ALDH8A1: variants seen among roughly 807,000 people sequenced by gnomAD.
ALDH8A1 encodes aldehyde dehydrogenase 8 family member A1.
ALDH8A1 carries 39 observed loss-of-function variants against 43.3 expected under a neutral mutation model. The ratio of observed to expected loss-of-function variants is 0.90; its 90% CI spans 0.70 to 1.18. The LOEUF is 1.18. Among genes scored for constraint, ALDH8A1 ranks in the 50% most tolerant of loss-of-function variants. The pLI, the probability that ALDH8A1 is intolerant of heterozygous loss-of-function variation, is 0.00. For synonymous variants in ALDH8A1, 233 were observed against 243.5 expected (o/e 0.96, Z 0.40); for missense variants, 605 against 622.6 (o/e 0.97, Z 0.30).
rs778663318 is a variant in ALDH8A1, at chr6:134,949,931, A to C, written c.123T>G (p.Asn41Lys). Residue 41 changes from asparagine to lysine, a missense_variant, in exon 1 of 7, where the codon AAT becomes AAG. Asn to Lys is a moderately conservative substitution (Grantham distance 94). Coordinates refer to ENST00000265605, the MANE Select transcript of ALDH8A1 (RefSeq NM_022568.4). ...STGEVYCRVP[N>K]SGKDEIEAAV... ...ATATACTCACCTCGTCTTTTCCACT[A>C]TTTGGCACTCTGCAATACACTTCCC... is the stretch of plus-strand genomic sequence containing the variant. The C allele has an allele frequency of 6.2e-7, 1 of 1,602,680 alleles. No homozygotes were observed. Among genetic ancestry groups the C allele is most frequent in the Non-Finnish European group, 8.5e-7 (1 of 1,174,266 alleles).
At chr6:134,934,555 C>G (rs1027369819) in intron 4 of ALDH8A1, among the ~76,000 whole-genome samples, 17 of 152,142 alleles carry the variant, frequency 1.1e-4, no homozygotes, top group African/African-American at 3.9e-4. Flanking sequence ...CTTTTGACAT[C>G]AGAGGGCCAA....
intron 2 of ALDH8A1, 75 bp from the exon 3 acceptor site, chr6:134,942,639 G>A (rs925320955): frequency 1.5e-5 from 22 of 1,446,912 alleles, no homozygotes; most frequent in African/African-American, 2.8e-5. Flanking sequence ...CTGCCCACGC[G>A]TCCCAACTCA....
intron 1 of ALDH8A1, among the ~76,000 whole-genome samples, chr6:134,947,557 A>C (rs1773974583): frequency 6.6e-6 from 1 of 152,094 alleles, no homozygotes. Flanking sequence ...GCCACCGCCC[A>C]AAAAATCCAA....
chr6:134,942,714 T>A lies in ALDH8A1; in HGVS notation c.287-150A>T, dbSNP rs564288052. ...ATTCCTTGACCTCACAAAGACTTGA[T>A]CATGGTTTGATAAAACCATACAATA... On this transcript the variant is annotated intron_variant, in intron 2 of 6. Coordinates refer to ENST00000265605, the MANE Select transcript of ALDH8A1 (RefSeq NM_022568.4). 1.5e-5 allele frequency: 11 copies of A among 736,432 alleles called. No homozygotes were observed. In the African/African-American group the frequency reaches 2.0e-4, roughly 13 times the overall value. The allele number at this position is 736,432 out of a possible 1,614,324, so 45.6% of individuals were successfully genotyped here.
At chr6:134,947,901 A>G (rs1177887939) in intron 1 of ALDH8A1, among the ~76,000 whole-genome samples, 1 of 152,128 alleles carries the variant, frequency 6.6e-6, no homozygotes, top group Non-Finnish European at 1.5e-5. Context: ...CACTACTGGA[A>G]ATTTATCCAA....
chr6:134,948,364 TAGAAGAA>T (rs1194355752), intron 1 of ALDH8A1, among the ~76,000 whole-genome samples: 3 of 152,180 alleles, frequency 2.0e-5, no homozygotes, highest in Non-Finnish European at 4.4e-5. Context: ...TCACAATAGT[TAGAAGAA>T]AAGATTTGGA....
chr6:134,927,655 T>C (rs1349409990), intron 6 of ALDH8A1, among the ~76,000 whole-genome samples: 2 of 152,168 alleles, frequency 1.3e-5, no homozygotes, highest in African/African-American at 4.8e-5. Context: ...AAAAAAATGG[T>C]GTATCTGTTG....
rs558610712 is a variant in ALDH8A1 at position 134,941,147 on chromosome 6, C to T, written c.442+1262G>A. 2.0e-5 allele frequency among the ~76,000 whole-genome samples: 3 copies of T among 152,228 alleles called. No individual in the cohort carries two copies. The South Asian group carries it at 6.2e-4, about 32-fold the overall frequency. On this transcript the variant is annotated intron_variant, in intron 3 of 6. Coordinates refer to ENST00000265605, the MANE Select transcript of ALDH8A1 (RefSeq NM_022568.4). Reference sequence around the variant, plus strand: ...TCAGTAGAGGCTTATTTATCACACACCTGGCACCATACTACATGCCCTACA... The same window carrying T: ...TCAGTAGAGGCTTATTTATCACACATCTGGCACCATACTACATGCCCTACA...
intron 1 of ALDH8A1, among the ~76,000 whole-genome samples, chr6:134,948,577 A>C (rs540092566): frequency 6.6e-6 from 1 of 152,306 alleles, no homozygotes; most frequent in East Asian, 1.9e-4. Context: ...CAAAAGTTGA[A>C]TAAACGGGAG....
At position 134,950,085 on chromosome 6, in the gene ALDH8A1, G is replaced by A. The variant is rs138487293; in HGVS notation, c.-32C>T. ...GAAAAATTCTGCCTTTCCTCTTTACGACTGAGCACTCAGGTTGTCCCCACC... is the reference window on the plus strand; with the variant it reads ...GAAAAATTCTGCCTTTCCTCTTTACAACTGAGCACTCAGGTTGTCCCCACC... On this transcript the variant is annotated 5_prime_UTR_variant, in exon 1 of 7. Transcript: ENST00000265605. 5.1e-4 allele frequency: 803 copies of A among 1,579,730 alleles called. No homozygotes were observed. The highest frequency in any genetic ancestry group is 5.8e-4 in the Non-Finnish European group (676 of 1,162,346).
intron 4 of ALDH8A1, among the ~76,000 whole-genome samples, chr6:134,935,726 C>T (rs1200945706): frequency 6.6e-6 from 1 of 152,188 alleles, no homozygotes; most frequent in Non-Finnish European, 1.5e-5. Flanking sequence ...TAGAAACATA[C>T]TCCTTTGGAT....
chr6:134,929,267 A>G, intron 5 of ALDH8A1, 52 bp from the exon 6 acceptor site: 1 of 1,585,816 alleles, frequency 6.3e-7, no homozygotes. Context: ...CTTCATGGAT[A>G]GAGCACCCTG....
intron 4 of ALDH8A1, among the ~76,000 whole-genome samples, chr6:134,934,936 G>A (rs552070046): frequency 3.4e-4 from 51 of 152,164 alleles, no homozygotes; most frequent in Non-Finnish European, 5.6e-4. Flanking sequence ...TTTTATGAGC[G>A]CATTAAGCTC....
At chr6:134,921,727 C>G (rs1776802409) in intron 6 of ALDH8A1, among the ~76,000 whole-genome samples, 1 of 152,226 alleles carries the variant, frequency 6.6e-6, no homozygotes, top group Non-Finnish European at 1.5e-5. Context: ...GACAAAAACA[C>G]ACTGCAGGGG....
chr6:134,948,357 C>T (rs1267685675), intron 1 of ALDH8A1, among the ~76,000 whole-genome samples: 2 of 151,954 alleles, frequency 1.3e-5, no homozygotes, highest in African/African-American at 2.4e-5. Flanking sequence ...GTATATTTCA[C>T]AATAGTTAGA....
rs1267528987 is a variant in ALDH8A1 at position 134,943,892 on chromosome 6, C to G, written c.213G>C (p.Arg71=). ...GCAAATCCGCCACCTGGTTCAGGAC[C>G]CGTGAGCGCTCCTGGGGGCTGCGGG... ...WSSRSPQERS[R]VLNQVADLLE... is the part of the protein sequence containing the mutation. Residue 71 remains arginine, a synonymous_variant, in exon 2 of 7, where the codon CGG becomes CGC. Coordinates refer to ENST00000265605, the MANE Select transcript of ALDH8A1 (RefSeq NM_022568.4). The G allele has an allele frequency of 2.5e-6, 4 of 1,614,108 alleles. No individual in the cohort carries two copies. Among genetic ancestry groups the G allele is most frequent in the African/African-American group, 1.3e-5 (1 of 74,926 alleles).
At chr6:134,931,141 C>A (rs1270828569) in intron 5 of ALDH8A1, among the ~76,000 whole-genome samples, 1 of 152,148 alleles carries the variant, frequency 6.6e-6, no homozygotes, top group African/African-American at 2.4e-5. Context: ...TGTCTCTTTC[C>A]CTATTTCCTT....
intron 4 of ALDH8A1, among the ~76,000 whole-genome samples, chr6:134,937,420 T>C (rs1384670446): frequency 2.0e-5 from 3 of 152,152 alleles, no homozygotes; most frequent in African/African-American, 7.2e-5. Flanking sequence ...TGACCCCCTC[T>C]ATATTTGTCA....
At chr6:134,921,676 C>T (rs186003398) in intron 6 of ALDH8A1, among the ~76,000 whole-genome samples, 134 of 152,326 alleles carry the variant, frequency 8.8e-4, no homozygotes, top group Admixed American at 2.2e-3. Context: ...AGGGCGGACA[C>T]GAAAACTCCA....
Sources: allele counts gnomAD v4.1 joint callset (sites outside exome capture counted in the v4.1 genomes callset), GRCh38; gene constraint gnomAD v4.1.1; transcripts MANE v1.5; gene names NCBI Gene and HGNC (gene_info 2026-07-23, HGNC 2026-07-21).